The following TNFSF18 variants were observed in gnomAD, a reference collection of about 807,000 sequenced individuals.
TNFSF18 encodes TNF superfamily member 18.
Under a neutral mutation model 9.6 loss-of-function variants are expected in TNFSF18, and 6 were observed. The ratio of observed to expected loss-of-function variants is 0.63; its 90% CI spans 0.34 to 1.24. The LOEUF is 1.24. Ranked by LOEUF, TNFSF18 falls within the 50% of genes most tolerant of loss-of-function variation. The probability of loss-of-function intolerance (pLI) is 0.03; values close to 1 mark genes in which losing one functional copy is unlikely to be tolerated. For missense variants in TNFSF18, 210 were observed against 201.0 expected (o/e 1.04, Z -0.27); for synonymous variants, 68 against 71.7 (o/e 0.95, Z 0.26).
At chr1:173,043,841 G>A (rs1665030220) in intron 2 of TNFSF18, 98 bp downstream of exon 2, 2 of 1,129,136 alleles carry the variant, frequency 1.8e-6, no homozygotes, top group Non-Finnish European at 2.7e-6. Context: ...GCTCAGAAAT[G>A]AATAAAAGAA....
intron 1 of TNFSF18, among the ~76,000 whole-genome samples, chr1:173,046,880 TTTG>T (rs890436520): frequency 1.5e-5 from 2 of 136,594 alleles, no homozygotes. Flanking sequence ...CTTGTTTTTT[TTTG>T]TTGTTGTTGT....
rs549520986 is a variant in TNFSF18 at position 173,045,418 on chromosome 1, A to C, written c.157-1449T>G. Among the ~76,000 whole-genome samples, 25 of 152,358 alleles carry C rather than the reference A, an allele frequency of 1.6e-4. No homozygotes were observed. The South Asian group carries it at 2.1e-3, about 13-fold the overall frequency. ...GTCAAATGCTGTTGATAGATCAAGT[A>C]AGAAGAGTACAGTGAATTGACTGAT... On this transcript the variant is annotated intron_variant, in intron 1 of 2. Coordinates refer to ENST00000404377, the MANE Select transcript of TNFSF18 (RefSeq NM_005092.4).
intron 1 of TNFSF18, among the ~76,000 whole-genome samples, chr1:173,044,665 T>G (rs1006802450): frequency 2.0e-5 from 3 of 152,182 alleles, no homozygotes; most frequent in Non-Finnish European, 2.9e-5. Flanking sequence ...CACCCAAAGG[T>G]TATTGGTTTC....
intron 1 of TNFSF18, among the ~76,000 whole-genome samples, chr1:173,045,630 TTTTTTG>T (rs1002694282): frequency 7.3e-5 from 10 of 136,684 alleles, no homozygotes; most frequent in Admixed American, 6.2e-4. Flanking sequence ...ATCAAAGAGG[TTTTTTG>T]TTGTTGTTGT....
chr1:173,043,131 GCCA>G (rs1665018630), intron 2 of TNFSF18, among the ~76,000 whole-genome samples: 1 of 152,066 alleles, frequency 6.6e-6, no homozygotes, highest in Non-Finnish European at 1.5e-5. Flanking sequence ...TTTCACACAT[GCCA>G]TGCATTCCAT....
chr1:173,041,548 T>C lies in TNFSF18; in HGVS notation c.353A>G (p.Tyr118Cys), dbSNP rs747990685. ...AGTTTGTATCATGTCTTTGTTTTTA[T>C]ACAGCCGCACCTCAAAAGGAGCTAC... ...NDVAPFEVRL[Y>C]KNKDMIQTLT... The change falls in exon 3 of 3, where the codon TAT becomes TGT. Residue 118 changes from tyrosine to cysteine, a missense_variant. Physicochemically the swap from Tyr to Cys is radical, Grantham distance 194. Transcript: ENST00000404377. 2 of 1,613,580 alleles carry C rather than the reference T, an allele frequency of 1.2e-6. No individual in the cohort carries two copies. The highest frequency in any genetic ancestry group is 2.2e-5 in the South Asian group (2 of 91,062).
intron 1 of TNFSF18, among the ~76,000 whole-genome samples, chr1:173,045,620 A>C (rs1665067989): frequency 6.7e-6 from 1 of 149,410 alleles, no homozygotes; most frequent in Admixed American, 6.8e-5. Context: ...AGGATGAGAG[A>C]TCAAAGAGGT....
At chr1:173,049,132 T>TC (rs1317822075) in intron 1 of TNFSF18, among the ~76,000 whole-genome samples, 2 of 152,172 alleles carry the variant, frequency 1.3e-5, no homozygotes. Flanking sequence ...ATGGGATTAA[T>TC]CCAGTTTGAT....
At chr1:173,044,952 A>G (rs146636934) in intron 1 of TNFSF18, among the ~76,000 whole-genome samples, 1 of 152,304 alleles carries the variant, frequency 6.6e-6, no homozygotes, top group Non-Finnish European at 1.5e-5. Flanking sequence ...AGAAGAAACA[A>G]AGATGACTCC....
In TNFSF18 at chr1:173,043,987, G is replaced by T; in HGVS notation, c.157-18C>A. ...TTAGCAGTCTGTTGGGGAAATAAAA[G>T]ATGAATTGATTAGGATGATGACAGT... On this transcript the variant is annotated intron_variant, in intron 1 of 2. Coordinates refer to ENST00000404377, the MANE Select transcript of TNFSF18 (RefSeq NM_005092.4). The T allele has an allele frequency of 6.2e-7, 1 of 1,609,736 alleles. No individual in the cohort carries two copies. The highest frequency in any genetic ancestry group is 1.1e-5 in the South Asian group (1 of 90,964).
intron 1 of TNFSF18, among the ~76,000 whole-genome samples, chr1:173,050,420 C>CT (rs1270255247): frequency 1.3e-5 from 2 of 151,446 alleles, no homozygotes; most frequent in African/African-American, 4.9e-5. Flanking sequence ...ATATTTTTAC[C>CT]TTTTTTATTC....
intron 1 of TNFSF18, among the ~76,000 whole-genome samples, chr1:173,047,327 A>C (rs1409661368): frequency 6.6e-6 from 1 of 152,198 alleles, no homozygotes; most frequent in Non-Finnish European, 1.5e-5. Context: ...AATGGGAGAA[A>C]TAATAGCACC....
intron 1 of TNFSF18, among the ~76,000 whole-genome samples, chr1:173,045,110 G>A (rs1665058105): frequency 6.6e-6 from 1 of 152,186 alleles, no homozygotes; most frequent in Non-Finnish European, 1.5e-5. Flanking sequence ...CCAAGTAAGT[G>A]TGTCAAGCAG....
intron 2 of TNFSF18, 105 bp from the exon 3 acceptor site, chr1:173,041,818 T>TATGATACGGC: frequency 1.1e-6 from 1 of 945,810 alleles, no homozygotes; most frequent in Non-Finnish European, 1.5e-6. Flanking sequence ...TGTTGTTTCT[T>TATGATACGGC]TACCTGATCT....
At chr1:173,046,933 C>T (rs1392661253) in intron 1 of TNFSF18, among the ~76,000 whole-genome samples, 1 of 151,740 alleles carries the variant, frequency 6.6e-6, no homozygotes, top group Non-Finnish European at 1.5e-5. Flanking sequence ...CATTCCGTTG[C>T]CCAGGCTGGA....
rs41264558 is a variant in TNFSF18, at chr1:173,041,150, A to C, written c.*217T>G. The C allele has an allele frequency of 9.1e-6, 4 of 438,044 alleles. No individual in the cohort carries two copies. The highest frequency in any genetic ancestry group is 8.1e-5 in the African/African-American group (4 of 49,568). 27.1% of individuals were successfully genotyped at this position (438,044 alleles called of 1,614,324 possible). On this transcript the variant is annotated 3_prime_UTR_variant, in exon 3 of 3. Coordinates refer to ENST00000404377, the MANE Select transcript of TNFSF18 (RefSeq NM_005092.4). The stretch of plus-strand genomic sequence containing the variant: ...ATCCATATTTGTTTTATCATGGATT[A>C]ATGAAGTATCTCTGCAGATCCAACC...
chr1:173,049,116 A>G (rs1356206305), intron 1 of TNFSF18, among the ~76,000 whole-genome samples: 1 of 152,216 alleles, frequency 6.6e-6, no homozygotes, highest in Non-Finnish European at 1.5e-5. Context: ...ATCAGAGCTC[A>G]AACACATGGG....
At chr1:173,050,199 A>G (rs1016239244) in intron 1 of TNFSF18, among the ~76,000 whole-genome samples, 1 of 152,164 alleles carries the variant, frequency 6.6e-6, no homozygotes, top group Non-Finnish European at 1.5e-5. Context: ...TGCAAACTAG[A>G]GAGATTAAAT....
intron 1 of TNFSF18, among the ~76,000 whole-genome samples, chr1:173,045,456 A>G (rs935848414): frequency 6.6e-6 from 1 of 152,228 alleles, no homozygotes; most frequent in African/African-American, 2.4e-5. Context: ...ATTGAGCAAC[A>G]TGGTAGTCAC....
Sources: allele counts gnomAD v4.1 joint callset (sites outside exome capture counted in the v4.1 genomes callset), GRCh38; gene constraint gnomAD v4.1.1; transcripts MANE v1.5; gene names NCBI Gene and HGNC (gene_info 2026-07-23, HGNC 2026-07-21).